MARCHF1: variants seen among roughly 807,000 people sequenced by gnomAD.
The protein encoded by MARCHF1 is E3 ubiquitin-protein ligase MARCHF1.
MARCHF1 carries 40 observed loss-of-function variants against 54.2 expected under a neutral mutation model. The observed-to-expected ratio is 0.74, with a 90% confidence interval of 0.57 to 0.96. MARCHF1 has a LOEUF of 0.96. MARCHF1 is among the 40% of genes least tolerant of loss of function. MARCHF1 has a pLI of 0.00. For synonymous variants in MARCHF1, 236 were observed against 236.3 expected (o/e 1.00, Z 0.01); for missense variants, 586 against 656.5 (o/e 0.89, Z 1.17).
At chr4:164,150,722 CATTT>C (rs1190943043) in intron 1 of MARCHF1, among the ~76,000 whole-genome samples, 3 of 152,136 alleles carry the variant, frequency 2.0e-5, no homozygotes, top group South Asian at 2.1e-4. Context: ...TCTTGAAATA[CATTT>C]ATTTATTAAA....
At chr4:164,041,095 C>T (rs916913668) in intron 2 of MARCHF1, among the ~76,000 whole-genome samples, 6 of 151,924 alleles carry the variant, frequency 3.9e-5, no homozygotes, top group Admixed American at 2.6e-4. Flanking sequence ...AAACTGTTAC[C>T]ACATATTGTA....
chr4:164,336,427 C>T (rs1020667084), intron 1 of MARCHF1, among the ~76,000 whole-genome samples: 1 of 152,100 alleles, frequency 6.6e-6, no homozygotes, highest in African/African-American at 2.4e-5. Context: ...CTCAGAGGTC[C>T]CTAGCATCAT....
chr4:163,545,492 G>A (rs1017447348), intron 9 of MARCHF1, 104 bp downstream of exon 9: 10 of 1,035,042 alleles, frequency 9.7e-6, no homozygotes, highest in Admixed American at 5.0e-5. Flanking sequence ...CTTTTCTAGT[G>A]TATCATACAT....
intron 1 of MARCHF1, among the ~76,000 whole-genome samples, chr4:164,335,123 G>C (rs78900357): frequency 0.016 from 2,486 of 152,308 alleles, 84 homozygotes; most frequent in East Asian, 0.13. Context: ...AAAGTATTTA[G>C]AGTATTACAC....
intron 3 of MARCHF1, among the ~76,000 whole-genome samples, chr4:163,893,996 T>A (rs948330469): frequency 6.6e-6 from 1 of 152,210 alleles, no homozygotes; most frequent in Non-Finnish European, 1.5e-5. Context: ...CCTCAATAAG[T>A]TGAATTCAAG....
intron 2 of MARCHF1, among the ~76,000 whole-genome samples, chr4:164,019,628 G>A (rs1213972883): frequency 6.6e-6 from 1 of 152,170 alleles, no homozygotes. Flanking sequence ...TTGACACTTC[G>A]TGGATATGGC....
intron 4 of MARCHF1, among the ~76,000 whole-genome samples, chr4:163,782,166 G>C (rs1747483296): frequency 6.6e-6 from 1 of 150,952 alleles, no homozygotes; most frequent in African/African-American, 2.4e-5. Flanking sequence ...GGACAGAATA[G>C]CTTTAGTATT....
At chr4:163,620,600 CACACACAGAGAGAGAGAGAGAG>C (rs1465705251) in intron 5 of MARCHF1, among the ~76,000 whole-genome samples, 5 of 76,850 alleles carry the variant, frequency 6.5e-5, no homozygotes, top group African/African-American at 3.2e-4. Context: ...CACACACACA[CACACACAGAGAGAGAGAGAGAG>C]AGAGAGAGAG....
intron 4 of MARCHF1, among the ~76,000 whole-genome samples, chr4:163,758,235 A>G (rs1410329982): frequency 1.3e-5 from 2 of 152,170 alleles, no homozygotes; most frequent in African/African-American, 2.4e-5. Context: ...TGGGGGTGCC[A>G]TTGCTTCTGT....
chr4:163,998,522 ACT>A lies in MARCHF1; in HGVS notation c.-247-9815_-247-9814del, dbSNP rs953716079. Among the ~76,000 whole-genome samples, 97 of 151,768 alleles carry A rather than the reference ACT, an allele frequency of 6.4e-4. 1 individual carries two copies. Among genetic ancestry groups the A allele is most frequent in the African/African-American group, 2.2e-3 (91 of 41,472 alleles). ...TTTGTTGTAAGGAAAATTAAAATCT[ACT>A]CTCAGCAATTTTCAAGAATACAACA... On this transcript the variant is annotated intron_variant, in intron 2 of 9. Transcript: ENST00000514618.
chr4:164,323,597 C>CAA (rs70952622), intron 1 of MARCHF1, among the ~76,000 whole-genome samples: 1,039 of 30,946 alleles, frequency 0.034, 388 homozygotes, highest in East Asian at 0.091. Context: ...GGATGAGTAG[C>CAA]AAAAAAAAAA....
chr4:164,344,686 T>C (rs751115195), intron 1 of MARCHF1, among the ~76,000 whole-genome samples: 1 of 152,194 alleles, frequency 6.6e-6, no homozygotes, highest in African/African-American at 2.4e-5. Context: ...GAAATTAATT[T>C]GGAGTTTGTG....
intron 1 of MARCHF1, among the ~76,000 whole-genome samples, chr4:164,226,725 T>C (rs1297006748): frequency 2.0e-5 from 3 of 152,042 alleles, no homozygotes; most frequent in South Asian, 4.1e-4. Context: ...TACAGATACA[T>C]TGCAAACAGC....
intron 1 of MARCHF1, among the ~76,000 whole-genome samples, chr4:164,286,371 A>G (rs926555743): frequency 2.0e-5 from 3 of 152,222 alleles, no homozygotes; most frequent in African/African-American, 7.2e-5. Flanking sequence ...AACATTTTTA[A>G]AAATAACTAT....
intron 4 of MARCHF1, among the ~76,000 whole-genome samples, chr4:163,828,520 G>T (rs1413283935): frequency 6.6e-6 from 1 of 152,116 alleles, no homozygotes; most frequent in Non-Finnish European, 1.5e-5. Context: ...TAAAAACATA[G>T]TCATGAATGT....
chr4:163,859,366 T>TG (rs200335378), intron 3 of MARCHF1, among the ~76,000 whole-genome samples: 16 of 126,380 alleles, frequency 1.3e-4, no homozygotes, highest in African/African-American at 5.3e-4. Context: ...AGAGAAAAGC[T>TG]TTTTTTTTTT....
At chr4:163,707,475 C>T (rs1007163396) in intron 4 of MARCHF1, among the ~76,000 whole-genome samples, 1 of 151,918 alleles carries the variant, frequency 6.6e-6, no homozygotes, top group African/African-American at 2.4e-5. Context: ...CTCAAAATCA[C>T]GAGCAGTCAG....
At chr4:164,105,219 C>G in intron 2 of MARCHF1, among the ~76,000 whole-genome samples, 1 of 90,608 alleles carries the variant, frequency 1.1e-5, no homozygotes, top group Non-Finnish European at 2.5e-5. Context: ...CAATGCCATC[C>G]CCATCAAGCT....
At chr4:163,674,654 G>A (rs769814726) in intron 5 of MARCHF1, among the ~76,000 whole-genome samples, 1 of 152,116 alleles carries the variant, frequency 6.6e-6, no homozygotes, top group Non-Finnish European at 1.5e-5. Context: ...GGAAACAGGG[G>A]CTCACAAATC....
Sources: allele counts gnomAD v4.1 joint callset (sites outside exome capture counted in the v4.1 genomes callset), GRCh38; gene constraint gnomAD v4.1.1; transcripts MANE v1.5; gene names NCBI Gene and HGNC (gene_info 2026-07-23, HGNC 2026-07-21).